The following SNTG2 variants were observed in gnomAD, a reference collection of about 807,000 sequenced individuals.
SNTG2 encodes gamma-2-syntrophin.
A neutral mutation model predicts 70.9 loss-of-function variants in SNTG2; 74 were observed. The ratio of observed to expected loss-of-function variants is 1.04; its 90% CI spans 0.86 to 1.27. SNTG2 has a LOEUF of 1.27. Ranked by LOEUF, SNTG2 falls within the 50% of genes most tolerant of loss-of-function variation. SNTG2 has a pLI of 0.00. For missense variants in SNTG2, 717 were observed against 690.7 expected (o/e 1.04, Z -0.43); for synonymous variants, 278 against 273.8 (o/e 1.02, Z -0.15).
At chr2:1,324,374 T>C (rs1156880887) in intron 16 of SNTG2, among the ~76,000 whole-genome samples, 1 of 152,160 alleles carries the variant, frequency 6.6e-6, no homozygotes, top group African/African-American at 2.4e-5. Flanking sequence ...CAATAAGACA[T>C]GCATAACATT....
chr2:1,301,576 A>T (rs1354371880), intron 14 of SNTG2, among the ~76,000 whole-genome samples: 1 of 152,144 alleles, frequency 6.6e-6, no homozygotes, highest in East Asian at 1.9e-4. Flanking sequence ...AAGAAAACAA[A>T]TCTTGAAAGC....
At chr2:1,215,265 G>A (rs552439870) in intron 9 of SNTG2, among the ~76,000 whole-genome samples, 1 of 152,268 alleles carries the variant, frequency 6.6e-6, no homozygotes, top group South Asian at 2.1e-4. Context: ...GAGTTTGGAA[G>A]TGTTCCCTAC....
chr2:1,118,420 A>C (rs183085113), intron 4 of SNTG2, among the ~76,000 whole-genome samples: 1 of 152,200 alleles, frequency 6.6e-6, no homozygotes, highest in East Asian at 1.9e-4. Flanking sequence ...GTCATTCCTG[A>C]CATTCATTAC....
intron 1 of SNTG2, among the ~76,000 whole-genome samples, chr2:1,054,510 C>T (rs1662269182): frequency 6.6e-6 from 1 of 152,116 alleles, no homozygotes; most frequent in Admixed American, 6.5e-5. Flanking sequence ...GTGGTTTTGT[C>T]ACTCTTCCTA....
intron 1 of SNTG2, among the ~76,000 whole-genome samples, chr2:961,651 G>T (rs900435906): frequency 6.6e-6 from 1 of 152,076 alleles, no homozygotes; most frequent in African/African-American, 2.4e-5. Context: ...TGTTTCCTGG[G>T]ATCTCTTATG....
chr2:1,313,155 C>T (rs1401181492), intron 15 of SNTG2, among the ~76,000 whole-genome samples: 1 of 152,138 alleles, frequency 6.6e-6, no homozygotes, highest in African/African-American at 2.4e-5. Context: ...GAATGTGTTC[C>T]AAAGGAAGTG....
intron 16 of SNTG2, among the ~76,000 whole-genome samples, chr2:1,317,139 C>G (rs112066204): frequency 9.9e-5 from 8 of 81,138 alleles, no homozygotes; most frequent in African/African-American, 9.5e-5. Context: ...CATTGAGCAT[C>G]AGGCCAGCAT....
chr2:1,227,019 C>T (rs533564954), intron 9 of SNTG2, among the ~76,000 whole-genome samples: 11 of 152,364 alleles, frequency 7.2e-5, no homozygotes, highest in South Asian at 2.1e-4. Context: ...AGGTGCCCTG[C>T]GTGCTGTCTG....
intron 14 of SNTG2, among the ~76,000 whole-genome samples, chr2:1,277,441 A>T (rs1679314090): frequency 1.3e-5 from 2 of 152,256 alleles, no homozygotes; most frequent in African/African-American, 4.8e-5. Context: ...CCACTAGGTT[A>T]TTTTAACAAT....
intron 1 of SNTG2, among the ~76,000 whole-genome samples, chr2:954,588 G>C (rs1309456216): frequency 6.6e-6 from 1 of 152,150 alleles, no homozygotes; most frequent in Non-Finnish European, 1.5e-5. Flanking sequence ...CTTTCCCCCA[G>C]TCCATACTAA....
intron 6 of SNTG2, among the ~76,000 whole-genome samples, chr2:1,154,748 C>G (rs1558464383): frequency 1.3e-5 from 2 of 150,902 alleles, no homozygotes; most frequent in South Asian, 2.1e-4. Flanking sequence ...GGAAAATGGA[C>G]TCTCCTACTG....
intron 14 of SNTG2, among the ~76,000 whole-genome samples, chr2:1,272,954 T>G (rs1316324331): frequency 3.3e-5 from 5 of 152,208 alleles, no homozygotes; most frequent in African/African-American, 7.2e-5. Context: ...CAAGACAGTT[T>G]CACGAGATCA....
At chr2:1,172,389 C>A (rs1671184125) in intron 7 of SNTG2, among the ~76,000 whole-genome samples, 1 of 152,168 alleles carries the variant, frequency 6.6e-6, no homozygotes, top group Non-Finnish European at 1.5e-5. Context: ...AAACACTAAG[C>A]CACATGGGAG....
intron 1 of SNTG2, among the ~76,000 whole-genome samples, chr2:1,011,905 G>T (rs10172943): frequency 0.44 from 67,357 of 152,032 alleles, 15,548 homozygotes; most frequent in Middle Eastern, 0.59. Context: ...AGGAAAAATT[G>T]TGAAGTCCAC....
At position 1,155,120 on chromosome 2, in the gene SNTG2, T is replaced by C. The variant is rs148488063; in HGVS notation, c.412-10428T>C. Reference sequence around the variant, plus strand: ...AACATACACACATAACACCCACATATACATACAACACAAACACACAGACAC... The same window carrying C: ...AACATACACACATAACACCCACATACACATACAACACAAACACACAGACAC... On this transcript the variant is annotated intron_variant, in intron 6 of 16. Transcript: ENST00000308624. Among the ~76,000 whole-genome samples the C allele has an allele frequency of 1.5e-4, 20 of 136,710 alleles. No individual in the cohort carries two copies. In the East Asian group the frequency reaches 3.3e-3, roughly 23 times the overall value. 89.7% of individuals were successfully genotyped at this position (136,710 alleles called of 152,430 possible).
At chr2:1,192,234 C>T (rs557720978) in intron 8 of SNTG2, among the ~76,000 whole-genome samples, 4 of 152,238 alleles carry the variant, frequency 2.6e-5, no homozygotes, top group East Asian at 1.9e-4. Context: ...TTCTGTTTCA[C>T]GGCTGTGTTT....
At chr2:1,162,272 C>G (rs1030133869) in intron 6 of SNTG2, among the ~76,000 whole-genome samples, 1 of 152,018 alleles carries the variant, frequency 6.6e-6, no homozygotes, top group Non-Finnish European at 1.5e-5. Context: ...TCACTTACCT[C>G]GGGTATGGAG....
At chr2:1,005,416 G>C (rs941552330) in intron 1 of SNTG2, among the ~76,000 whole-genome samples, 1 of 152,042 alleles carries the variant, frequency 6.6e-6, no homozygotes, top group African/African-American at 2.4e-5. Flanking sequence ...CACATGTGGG[G>C]GCGGTGGGGG....
At chr2:1,216,624 A>G (rs1674410520) in intron 9 of SNTG2, among the ~76,000 whole-genome samples, 1 of 152,170 alleles carries the variant, frequency 6.6e-6, no homozygotes, top group Non-Finnish European at 1.5e-5. Flanking sequence ...ATCTGTTGAC[A>G]TATAATTGTC....
Sources: gnomAD v4.1 joint callset for allele counts (sites outside exome capture counted in the v4.1 genomes callset) on GRCh38, gnomAD v4.1.1 for gene constraint, MANE v1.5 for transcripts, NCBI Gene and HGNC (gene_info 2026-07-23, HGNC 2026-07-21) for gene names.